The following ZNF599 variants were observed in gnomAD, a reference collection of about 807,000 sequenced individuals.
ZNF599 encodes zinc finger protein 599.
ZNF599 carries 10 observed loss-of-function variants against 11.7 expected under a neutral mutation model. The observed-to-expected ratio is 0.86, with a 90% confidence interval of 0.53 to 1.45. The LOEUF is 1.45. ZNF599 is among the 40% of genes most tolerant of loss of function. ZNF599 has a pLI of 0.00. For missense variants in ZNF599, 688 were observed against 713.6 expected (o/e 0.96, Z 0.41); for synonymous variants, 232 against 253.2 (o/e 0.92, Z 0.79).
the ZNF599 span, among the ~76,000 whole-genome samples, chr19:34,806,361 T>A: frequency 6.6e-6 from 1 of 151,172 alleles, no homozygotes; most frequent in East Asian, 2.0e-4. Context: ...TTGCACCTCA[T>A]CCAGTCTTCT....
chr19:34,758,102 GA>G lies in ZNF599; in HGVS notation c.*931del, dbSNP rs1254042349. The G allele has an allele frequency of 6.6e-6, 1 of 151,916 alleles. No individual in the cohort carries two copies. Among genetic ancestry groups the G allele is most frequent in the African/African-American group, 2.4e-5 (1 of 41,368 alleles). 9.4% of individuals were successfully genotyped at this position (151,916 alleles called of 1,614,324 possible). On this transcript the variant is annotated 3_prime_UTR_variant, in exon 4 of 4. Coordinates refer to ENST00000329285, the MANE Select transcript of ZNF599 (RefSeq NM_001007248.3). ...ATAATTAAAATATTTTTATTATAAAGAATAATTATAATTATTCAAGAAACAC... is the reference window on the plus strand; with the variant it reads ...ATAATTAAAATATTTTTATTATAAAGATAATTATAATTATTCAAGAAACAC...
chr19:34,805,443 G>A, the ZNF599 span, among the ~76,000 whole-genome samples: 4 of 152,080 alleles, frequency 2.6e-5, no homozygotes, highest in Admixed American at 1.3e-4. Context: ...TGATCCACCC[G>A]CCTCGGCCTC....
the ZNF599 span, among the ~76,000 whole-genome samples, chr19:34,807,112 C>T: frequency 1.3e-5 from 2 of 152,172 alleles, no homozygotes; most frequent in Non-Finnish European, 2.9e-5. Flanking sequence ...AACCTTTGCA[C>T]ATGCTGATCC....
In ZNF599 at chr19:34,759,504, A is replaced by T. The variant is rs1193507921; in HGVS notation, c.1297T>A (p.Cys433Ser). 1 of 1,613,980 alleles carries T rather than the reference A, an allele frequency of 6.2e-7. No homozygotes were observed. The change falls in exon 4 of 4, where the codon TGT becomes AGT. Residue 433 changes from cysteine (C) to serine (S), a missense_variant. By Grantham distance (112) the Cys-to-Ser change is moderately radical. Coordinates refer to ENST00000329285, the MANE Select transcript of ZNF599 (RefSeq NM_001007248.3). ...FECKECGKAF[C>S]DSSSLIQHMR... ...TGTTGAATTAAGGAAGAGCTGTCAC[A>T]AAAGGCCTTCCCACATTCTTTGCAC...
chr19:34,790,443 G>A, the ZNF599 span, among the ~76,000 whole-genome samples: 2 of 152,074 alleles, frequency 1.3e-5, no homozygotes, highest in East Asian at 1.9e-4. Flanking sequence ...TTAAAAAAGG[G>A]GGGAAATTCT....
the ZNF599 span, among the ~76,000 whole-genome samples, chr19:34,798,207 A>T: frequency 1.0e-3 from 153 of 152,348 alleles, 1 homozygote; most frequent in East Asian, 0.025. Flanking sequence ...CCATAGCAAT[A>T]GTTTCAGGGG....
chr19:34,769,569 C>A lies in ZNF599; in HGVS notation c.19-14G>T, dbSNP rs1290668434. 6.2e-7 allele frequency: 1 copy of A among 1,610,072 alleles called. No individual in the cohort carries two copies. Among genetic ancestry groups the A allele is most frequent in the Non-Finnish European group, 8.5e-7 (1 of 1,177,042 alleles). Reference sequence around the variant, plus strand: ...TGATACTAATGCCTGGGAAGTCAAACAGAGGTGACAGGTGGCTGTGGAGCT... The same window carrying A: ...TGATACTAATGCCTGGGAAGTCAAAAAGAGGTGACAGGTGGCTGTGGAGCT... On this transcript the variant is annotated splice_polypyrimidine_tract_variant and intron_variant, in intron 1 of 3. Coordinates refer to ENST00000329285, the MANE Select transcript of ZNF599 (RefSeq NM_001007248.3).
the ZNF599 span, among the ~76,000 whole-genome samples, chr19:34,806,070 C>T: frequency 1.1e-4 from 17 of 152,214 alleles, no homozygotes; most frequent in East Asian, 3.9e-4. Flanking sequence ...CCTATAGCCA[C>T]GTGGATGGAA....
At chr19:34,778,287 C>T in the ZNF599 span, among the ~76,000 whole-genome samples, 1 of 151,336 alleles carries the variant, frequency 6.6e-6, no homozygotes, top group East Asian at 1.9e-4. Flanking sequence ...GCAGGTTGTG[C>T]ACATGTACCC....
At chr19:34,770,383 C>T (rs55821535) in intron 1 of ZNF599, among the ~76,000 whole-genome samples, 1 of 152,240 alleles carries the variant, frequency 6.6e-6, no homozygotes, top group East Asian at 1.9e-4. Context: ...AAAAATACTT[C>T]CTACAATTTT....
chr19:34,799,217 G>A, the ZNF599 span, among the ~76,000 whole-genome samples: 2 of 152,086 alleles, frequency 1.3e-5, no homozygotes, highest in Non-Finnish European at 2.9e-5. Context: ...TGCCCAGGCT[G>A]GTCTGGAACT....
chr19:34,767,191 T>C lies in ZNF599; in HGVS notation c.241+125A>G, dbSNP rs145406559. 179 of 660,944 alleles carry C rather than the reference T, an allele frequency of 2.7e-4. No homozygotes were observed. In the African/African-American group the frequency reaches 2.9e-3, roughly 11 times the overall value. 40.9% of individuals were successfully genotyped at this position (660,944 alleles called of 1,614,324 possible). ...ACAGAAGTGGGAAGACGGGGGACCA[T>C]GGGGTCAAGGGCTCCATGACTGCTC... is the stretch of plus-strand genomic sequence containing the variant. On this transcript the variant is annotated intron_variant, in intron 3 of 3. Transcript: ENST00000329285.
At chr19:34,786,466 TA>T in the ZNF599 span, among the ~76,000 whole-genome samples, 41 of 152,182 alleles carry the variant, frequency 2.7e-4, no homozygotes, top group Non-Finnish European at 5.1e-4. Flanking sequence ...ATGATTTTTT[TA>T]ACACCTGGGA....
intron 1 of ZNF599, 78 bp from the exon 2 acceptor site, chr19:34,769,633 A>C: frequency 6.5e-7 from 1 of 1,548,882 alleles, no homozygotes; most frequent in Admixed American, 1.8e-5. Context: ...GTTACTGGCA[A>C]AGGGTCCAGA....
chr19:34,759,482 T>C lies in ZNF599; in HGVS notation c.1319A>G (p.Gln440Arg), dbSNP rs1443413782. 6.2e-7 allele frequency: 1 copy of C among 1,614,108 alleles called. No homozygotes were observed. ...CTCACCAGTGTGAATCCTCATATGT[T>C]GAATTAAGGAAGAGCTGTCACAAAA... ...KAFCDSSSLI[Q>R]HMRIHTGEKP... Residue 440 changes from glutamine to arginine, a missense_variant, in exon 4 of 4, where the codon CAA becomes CGA. Coordinates refer to ENST00000329285, the MANE Select transcript of ZNF599 (RefSeq NM_001007248.3).
intron 2 of ZNF599, among the ~76,000 whole-genome samples, 154 bp downstream of exon 2, chr19:34,769,273 CAG>C (rs2069166297): frequency 6.6e-6 from 1 of 152,202 alleles, no homozygotes; most frequent in Non-Finnish European, 1.5e-5. Flanking sequence ...GATTGAGACA[CAG>C]GGAAACCCAG....
upstream of ZNF599, chr19:34,773,305 C>A (rs2069199087): frequency 1.2e-5 from 2 of 164,128 alleles, no homozygotes; most frequent in Admixed American, 6.4e-5. Flanking sequence ...GCACTGCCTT[C>A]TGGGTAATGT....
intron 1 of ZNF599, among the ~76,000 whole-genome samples, chr19:34,771,455 A>C (rs1011068342): frequency 1.3e-5 from 2 of 152,182 alleles, no homozygotes; most frequent in Non-Finnish European, 2.9e-5. Context: ...GCACATTATC[A>C]ATGCGCTCAG....
chr19:34,760,709 T>C, intron 3 of ZNF599, 150 bp from the exon 4 acceptor site: 1 of 772,426 alleles, frequency 1.3e-6, no homozygotes, highest in Non-Finnish European at 2.0e-6. Flanking sequence ...TTGCAATTTC[T>C]TTCCTAATGC....
Sources: gnomAD v4.1 joint callset for allele counts (sites outside exome capture counted in the v4.1 genomes callset) on GRCh38, gnomAD v4.1.1 for gene constraint, MANE v1.5 for transcripts, NCBI Gene and HGNC (gene_info 2026-07-23, HGNC 2026-07-21) for gene names.